PARVA: variants seen among roughly 807,000 people sequenced by gnomAD.
PARVA encodes the protein parvin alpha, also known as alpha-parvin.
Under a neutral mutation model 52.6 loss-of-function variants are expected in PARVA, and 25 were observed. The ratio of observed to expected loss-of-function variants is 0.48; its 90% CI spans 0.35 to 0.66. The LOEUF (loss-of-function observed/expected upper bound fraction) is 0.66. Ranked by LOEUF, PARVA falls within the 30% of genes least tolerant of loss-of-function variation. The pLI is 0.01. For missense variants in PARVA, 373 were observed against 450.9 expected (o/e 0.83, Z 1.56); for synonymous variants, 185 against 179.1 (o/e 1.03, Z -0.26).
intron 1 of PARVA, among the ~76,000 whole-genome samples, chr11:12,418,818 C>T (rs1043293923): frequency 2.0e-4 from 31 of 152,158 alleles, no homozygotes; most frequent in African/African-American, 7.2e-4. Flanking sequence ...TTGAATGCTG[C>T]CTTGCACCCT....
intron 7 of PARVA, among the ~76,000 whole-genome samples, chr11:12,509,268 C>T (rs1007604807): frequency 6.6e-6 from 1 of 152,070 alleles, no homozygotes. Context: ...TCCCTGCTCC[C>T]CAGACTTTTC....
At position 12,533,051 on chromosome 11, in the gene PARVA, C is replaced by T. The variant is rs936482988; in HGVS notation, c.*5126C>T. On this transcript the variant is annotated 3_prime_UTR_variant, in exon 13 of 13. Transcript: ENST00000334956. ...ACCAGGAGAGGAGATCAGACCTCTG[C>T]CCACCCCAACACCAATCTGGTCTTA... 2.6e-5 allele frequency among the ~76,000 whole-genome samples: 4 copies of T among 152,174 alleles called. No individual in the cohort carries two copies. Among genetic ancestry groups the T allele is most frequent in the Non-Finnish European group, 4.4e-5 (3 of 68,024 alleles).
intron 1 of PARVA, among the ~76,000 whole-genome samples, chr11:12,416,255 G>C (rs1003228359): frequency 1.3e-5 from 2 of 152,212 alleles, no homozygotes; most frequent in East Asian, 3.8e-4. Flanking sequence ...TCGAGGCAAC[G>C]TTAGGGCTGG....
At chr11:12,455,751 A>AT (rs997505829) in intron 1 of PARVA, among the ~76,000 whole-genome samples, 75 of 152,040 alleles carry the variant, frequency 4.9e-4, no homozygotes, top group Middle Eastern at 3.4e-3. Context: ...ATTGAGCACC[A>AT]TTTTTTTTCT....
intron 1 of PARVA, among the ~76,000 whole-genome samples, chr11:12,387,808 G>T (rs1189467839): frequency 6.6e-6 from 1 of 152,026 alleles, no homozygotes; most frequent in Non-Finnish European, 1.5e-5. Context: ...GTGAAGGCCG[G>T]TTGACTTCTT....
chr11:12,379,713 AG>A (rs1939457868), intron 1 of PARVA, among the ~76,000 whole-genome samples: 1 of 152,262 alleles, frequency 6.6e-6, no homozygotes. Context: ...GACTTGATGA[AG>A]AACTAGACTT....
intron 4 of PARVA, among the ~76,000 whole-genome samples, chr11:12,487,580 T>C (rs562195059): frequency 8.5e-5 from 13 of 152,174 alleles, no homozygotes; most frequent in Admixed American, 3.3e-4. Context: ...AAAATGAACA[T>C]TGCCATCATA....
chr11:12,428,917 T>C (rs983338465), intron 1 of PARVA, among the ~76,000 whole-genome samples: 4 of 152,120 alleles, frequency 2.6e-5, no homozygotes, highest in Admixed American at 6.5e-5. Flanking sequence ...GAAGGGTAAA[T>C]TGTGTGGGTT....
chr11:12,467,978 C>G (rs748668817), intron 1 of PARVA, among the ~76,000 whole-genome samples: 1 of 152,234 alleles, frequency 6.6e-6, no homozygotes, highest in Non-Finnish European at 1.5e-5. Context: ...ACTCCCTCAA[C>G]ACCTGCCCTG....
chr11:12,474,157 G>A (rs1205370033), intron 3 of PARVA, among the ~76,000 whole-genome samples, 174 bp downstream of exon 3: 1 of 152,142 alleles, frequency 6.6e-6, no homozygotes, highest in South Asian at 2.1e-4. Context: ...GTAACCGATT[G>A]TTTAAGTGTG....
At chr11:12,382,023 C>G (rs1321569838) in intron 1 of PARVA, among the ~76,000 whole-genome samples, 1 of 152,182 alleles carries the variant, frequency 6.6e-6, no homozygotes, top group African/African-American at 2.4e-5. Context: ...CTGCGGTACA[C>G]AATTTACTGG....
chr11:12,466,808 T>C lies in PARVA; in HGVS notation c.137-6937T>C, dbSNP rs139633273. Among the ~76,000 whole-genome samples, 764 of 152,310 alleles carry C rather than the reference T, an allele frequency of 5.0e-3. 10 individuals are homozygous for C. Among genetic ancestry groups the C allele is most frequent in the Middle Eastern group, 0.02 (6 of 294 alleles). ...GATGATTGTATGTTTTTAGTAGTCTTGAAGTATGGTAGTGTTCGTCCTCCA... is the reference window on the plus strand; with the variant it reads ...GATGATTGTATGTTTTTAGTAGTCTCGAAGTATGGTAGTGTTCGTCCTCCA... On this transcript the variant is annotated intron_variant, in intron 1 of 12. Coordinates refer to ENST00000334956, the MANE Select transcript of PARVA (RefSeq NM_018222.5).
chr11:12,517,545 G>A, intron 10 of PARVA, 65 bp from the exon 11 acceptor site: 1 of 1,200,044 alleles, frequency 8.3e-7, no homozygotes, highest in Non-Finnish European at 1.2e-6. Flanking sequence ...AAGTTGATGG[G>A]CCCCCTGGAT....
intron 1 of PARVA, among the ~76,000 whole-genome samples, chr11:12,463,168 T>C (rs902637790): frequency 7.2e-5 from 11 of 152,204 alleles, no homozygotes; most frequent in Non-Finnish European, 1.2e-4. Context: ...TTCTTAAAAT[T>C]AATGGACAGT....
At chr11:12,491,497 CGAAGGTTGAAAGAA>C (rs1941233459) in intron 4 of PARVA, among the ~76,000 whole-genome samples, 1 of 151,794 alleles carries the variant, frequency 6.6e-6, no homozygotes, top group Non-Finnish European at 1.5e-5. Context: ...GAGGGACACG[CGAAGGTTGAAAGAA>C]AAAGGGTGGA....
At chr11:12,521,845 A>G (rs1450970029) in intron 12 of PARVA, among the ~76,000 whole-genome samples, 2 of 152,154 alleles carry the variant, frequency 1.3e-5, no homozygotes, top group Non-Finnish European at 2.9e-5. Context: ...TTAGAACATG[A>G]GTAACTAACT....
chr11:12,514,346 G>A (rs774326707), intron 10 of PARVA, among the ~76,000 whole-genome samples: 11 of 152,170 alleles, frequency 7.2e-5, no homozygotes, highest in African/African-American at 1.2e-4. Context: ...CTAAATGCTT[G>A]AGCATATGTC....
chr11:12,406,788 G>A (rs1008822982), intron 1 of PARVA, among the ~76,000 whole-genome samples: 9 of 147,596 alleles, frequency 6.1e-5, no homozygotes, highest in African/African-American at 1.8e-4. Context: ...CTCCTGCCTC[G>A]GCCTCCCAAG....
At chr11:12,498,407 GCTTA>G (rs1259642356) in intron 5 of PARVA, among the ~76,000 whole-genome samples, 3 of 152,088 alleles carry the variant, frequency 2.0e-5, no homozygotes, top group Non-Finnish European at 4.4e-5. Flanking sequence ...TTTGGTTTAT[GCTTA>G]CTTTAATTTC....
Sources: gnomAD v4.1 joint callset for allele counts (sites outside exome capture counted in the v4.1 genomes callset) on GRCh38, gnomAD v4.1.1 for gene constraint, MANE v1.5 for transcripts, NCBI Gene and HGNC (gene_info 2026-07-23, HGNC 2026-07-21) for gene names.